Variants in EIF4G3 observed in about 807,000 individuals in gnomAD.
EIF4G3 encodes eIF-4-gamma 3.
Under a neutral mutation model 186.4 loss-of-function variants are expected in EIF4G3, and 34 were observed. The observed-to-expected ratio is 0.18, with a 90% CI of 0.14 to 0.24. The LOEUF (loss-of-function observed/expected upper bound fraction) is 0.24. EIF4G3 is among the 10% of genes least tolerant of loss of function. The pLI, the probability that EIF4G3 is intolerant of heterozygous loss-of-function variation, is 1.00. For missense variants in EIF4G3, 1,536 were observed against 1,948.5 expected, an observed-to-expected ratio of 0.79 and a Z score of 3.99; for synonymous variants, 673 against 679.5, an observed-to-expected ratio of 0.99 and a Z score of 0.15.
At chr1:21,095,741 T>A (rs954446077) in intron 2 of EIF4G3, among the ~76,000 whole-genome samples, 1 of 152,084 alleles carries the variant, frequency 6.6e-6, no homozygotes, top group Non-Finnish European at 1.5e-5. Context: ...GATTTCCTGC[T>A]AGTCATTTTT....
chr1:20,845,450 C>G (rs562232535), intron 29 of EIF4G3, among the ~76,000 whole-genome samples: 1 of 152,232 alleles, frequency 6.6e-6, no homozygotes, highest in East Asian at 1.9e-4. Flanking sequence ...ATCACAAGGT[C>G]AGGAGATCAA....
intron 4 of EIF4G3, among the ~76,000 whole-genome samples, chr1:21,011,645 T>C (rs2154569950): frequency 1.3e-5 from 2 of 152,370 alleles, no homozygotes; most frequent in East Asian, 1.9e-4. Context: ...TACCCTACCC[T>C]ACCTACCCTA....
intron 3 of EIF4G3, among the ~76,000 whole-genome samples, chr1:21,062,396 T>C (rs771183747): frequency 1.3e-5 from 2 of 151,964 alleles, no homozygotes; most frequent in Non-Finnish European, 2.9e-5. Flanking sequence ...AACAAGATCA[T>C]CAGAGAATAA....
At chr1:20,976,588 T>C (rs944170206) in intron 10 of EIF4G3, among the ~76,000 whole-genome samples, 1 of 152,240 alleles carries the variant, frequency 6.6e-6, no homozygotes, top group African/African-American at 2.4e-5. Flanking sequence ...TATTTAGATT[T>C]CTTCTCACTG....
intron 2 of EIF4G3, among the ~76,000 whole-genome samples, chr1:21,129,533 G>A (rs144419802): frequency 6.6e-6 from 1 of 151,160 alleles, no homozygotes; most frequent in African/African-American, 2.5e-5. Flanking sequence ...ACTGGAGAGA[G>A]TCCCATCTGA....
intron 4 of EIF4G3, among the ~76,000 whole-genome samples, chr1:21,029,213 T>G (rs1430356085): frequency 2.6e-5 from 4 of 151,504 alleles, no homozygotes; most frequent in Admixed American, 6.6e-5. Context: ...AGAGACAAGG[T>G]TTCACCACTT....
chr1:20,920,605 TGA>T, intron 14 of EIF4G3, among the ~76,000 whole-genome samples: 1 of 152,200 alleles, frequency 6.6e-6, no homozygotes, highest in Non-Finnish European at 1.5e-5. Flanking sequence ...TAATAGGAAC[TGA>T]GAGAATTCTA....
intron 10 of EIF4G3, among the ~76,000 whole-genome samples, chr1:20,979,202 T>C (rs1407914828): frequency 6.6e-6 from 1 of 152,202 alleles, no homozygotes; most frequent in East Asian, 1.9e-4. Flanking sequence ...ATTTTTATCA[T>C]TTTTAGTTCA....
chr1:21,111,623 G>A (rs1417821726), intron 2 of EIF4G3: 1 of 261,396 alleles, frequency 3.8e-6, no homozygotes, highest in Non-Finnish European at 7.6e-6. Context: ...GGAAAAGTAG[G>A]TCCGTGGGAG....
chr1:20,868,435 T>C (rs1009276917), intron 20 of EIF4G3, among the ~76,000 whole-genome samples: 2 of 152,040 alleles, frequency 1.3e-5, no homozygotes, highest in Non-Finnish European at 2.9e-5. Context: ...GCTCAGGTGT[T>C]TCCTCTTCCA....
chr1:20,933,062 A>T (rs898709531), intron 14 of EIF4G3, among the ~76,000 whole-genome samples: 3 of 152,198 alleles, frequency 2.0e-5, no homozygotes, highest in African/African-American at 7.2e-5. Context: ...CAGAGGTATG[A>T]GAGGATATGG....
At chr1:21,016,191 A>C (rs2088981876) in intron 4 of EIF4G3, among the ~76,000 whole-genome samples, 1 of 152,208 alleles carries the variant, frequency 6.6e-6, no homozygotes, top group South Asian at 2.1e-4. Context: ...TTTGTAACCA[A>C]CTGATGTTAA....
At chr1:20,914,323 AC>A (rs978379274) in intron 14 of EIF4G3, among the ~76,000 whole-genome samples, 21 of 152,172 alleles carry the variant, frequency 1.4e-4, no homozygotes, top group Admixed American at 1.4e-3. Flanking sequence ...TCCTAGATTA[AC>A]CCAGTGGATC....
chr1:20,924,868 T>A (rs190345439), intron 14 of EIF4G3, among the ~76,000 whole-genome samples: 15 of 152,298 alleles, frequency 9.8e-5, no homozygotes, highest in South Asian at 4.1e-4. Flanking sequence ...ACCCGAAAAT[T>A]ATTATTTGAA....
At chr1:20,845,524 T>A (rs947800745) in intron 29 of EIF4G3, among the ~76,000 whole-genome samples, 2 of 151,930 alleles carry the variant, frequency 1.3e-5, no homozygotes, top group Non-Finnish European at 2.9e-5. Flanking sequence ...TAGCCGGGCA[T>A]GGTGGCGGGC....
intron 26 of EIF4G3, 68 bp from the exon 27 acceptor site, chr1:20,853,745 G>T: frequency 8.3e-7 from 1 of 1,200,188 alleles, no homozygotes; most frequent in Non-Finnish European, 1.2e-6. Flanking sequence ...TCAGTCATCT[G>T]CATCCCTAGG....
intron 33 of EIF4G3, among the ~76,000 whole-genome samples, chr1:20,821,736 T>C (rs2062426439): frequency 6.7e-6 from 1 of 148,998 alleles, no homozygotes. Flanking sequence ...TTATGTATAC[T>C]TCACCATCTT....
chr1:21,108,209 T>C lies in EIF4G3; in HGVS notation c.-271-18996A>G, dbSNP rs192642785. 3.9e-5 allele frequency among the ~76,000 whole-genome samples: 6 copies of C among 152,296 alleles called. No homozygotes were observed. The South Asian group carries it at 6.2e-4, about 16-fold the overall frequency. Reference sequence around the variant, plus strand: ...TTTGAAAGAATAAACAAAGAAAATCTGACCACTTGCTAAGAAACCATCTCT... The same window carrying C: ...TTTGAAAGAATAAACAAAGAAAATCCGACCACTTGCTAAGAAACCATCTCT... On this transcript the variant is annotated intron_variant, in intron 2 of 36. Coordinates refer to ENST00000602326, the MANE Select transcript of EIF4G3 (RefSeq NM_001391906.1).
chr1:20,860,346 C>A, intron 24 of EIF4G3, 39 bp downstream of exon 24: 4 of 1,611,070 alleles, frequency 2.5e-6, no homozygotes, highest in Non-Finnish European at 3.4e-6. Context: ...ATTCCTGAAA[C>A]TTCCAAGTTC....
Sources: gnomAD v4.1 joint callset for allele counts (sites outside exome capture counted in the v4.1 genomes callset) on GRCh38, gnomAD v4.1.1 for gene constraint, MANE v1.5 for transcripts, NCBI Gene and HGNC (gene_info 2026-07-23, HGNC 2026-07-21) for gene names.